GBP7: variants seen among roughly 807,000 people sequenced by gnomAD.
The protein encoded by GBP7 is guanylate-binding protein 7.
A neutral mutation model predicts 61.3 loss-of-function variants in GBP7; 43 were observed. That is an observed-to-expected ratio of 0.70 (90% CI 0.55 to 0.91). GBP7 has a LOEUF of 0.91. Among genes scored for constraint, GBP7 ranks in the 40% least tolerant of loss-of-function variants. GBP7 has a pLI of 0.00. For missense variants in GBP7, 717 were observed against 740.5 expected, an observed-to-expected ratio of 0.97 and a Z score of 0.37; for synonymous variants, 267 against 271.0, an observed-to-expected ratio of 0.99 and a Z score of 0.14.
intron 1 of GBP7, among the ~76,000 whole-genome samples, chr1:89,174,729 A>T (rs1647695265): frequency 6.6e-6 from 1 of 152,202 alleles, no homozygotes; most frequent in Admixed American, 6.5e-5. Flanking sequence ...TGCAAGCCTG[A>T]TAGCTCGCAC....
chr1:89,132,177 C>G lies in GBP7; in HGVS notation c.1889G>C (p.Arg630Thr). 6.2e-7 allele frequency: 1 copy of G among 1,608,784 alleles called. No homozygotes were observed. Among genetic ancestry groups the G allele is most frequent in the South Asian group, 1.1e-5 (1 of 89,586 alleles). ...GCTTATAATTTTCTTACCAGGATTT[C>G]TCAGCCTATTACATAATGAGCTAAG... ...KILSSLCNRL[R>T]NPGKKIIS Residue 630 changes from arginine (R) to threonine (T), a missense_variant, in exon 11 of 11, where the codon AGA (arginine) becomes ACA (threonine). Transcript: ENST00000294671.
chr1:89,172,414 C>A (rs144671991), intron 1 of GBP7, among the ~76,000 whole-genome samples: 1 of 152,306 alleles, frequency 6.6e-6, no homozygotes, highest in African/African-American at 2.4e-5. Context: ...GTTCGTTATT[C>A]GTTCTTTGTC....
intron 1 of GBP7, among the ~76,000 whole-genome samples, chr1:89,174,670 C>T (rs1215149443): frequency 6.6e-6 from 1 of 152,298 alleles, no homozygotes; most frequent in Middle Eastern, 3.4e-3. Context: ...ACTCAGGTTA[C>T]CCAATGGCTT....
chr1:89,140,445 A>G lies in GBP7; in HGVS notation c.1468+1101T>C, dbSNP rs149317528. Among the ~76,000 whole-genome samples, 381 of 131,496 alleles carry G rather than the reference A, an allele frequency of 2.9e-3. 10 individuals carry two copies. The East Asian group carries it at 0.081, about 28-fold the overall frequency. The allele number at this position is 131,496 out of a possible 152,430, so 86.3% of individuals were successfully genotyped here. The stretch of plus-strand genomic sequence containing the variant: ...CCCTAAAACTTAAAGTATAATAATA[A>G]TAATAAAAAAAACTGAAAAAAAAAA... On this transcript the variant is annotated intron_variant, in intron 9 of 10. Transcript: ENST00000294671.
chr1:89,165,753 C>A (rs1416956817), intron 2 of GBP7, among the ~76,000 whole-genome samples: 5 of 149,920 alleles, frequency 3.3e-5, no homozygotes, highest in Admixed American at 6.6e-5. Context: ...GAACATCACA[C>A]AACAGGGCCT....
intron 2 of GBP7, among the ~76,000 whole-genome samples, chr1:89,170,164 A>G (rs1312215347): frequency 2.6e-5 from 4 of 152,212 alleles, no homozygotes; most frequent in African/African-American, 7.2e-5. Flanking sequence ...TAATCAAACT[A>G]CATAAAAGAC....
intron 1 of GBP7, among the ~76,000 whole-genome samples, chr1:89,173,031 T>C (rs963867767): frequency 7.2e-5 from 11 of 152,170 alleles, no homozygotes; most frequent in African/African-American, 2.7e-4. Flanking sequence ...GATTTTGTCA[T>C]TGAGAGCTTC....
chr1:89,144,155 C>A (rs1177474608), intron 8 of GBP7, among the ~76,000 whole-genome samples: 1 of 152,126 alleles, frequency 6.6e-6, no homozygotes, highest in African/African-American at 2.4e-5. Flanking sequence ...TGCATTAATT[C>A]ACTTAGGATA....
chr1:89,151,453 C>T (rs114628186), intron 5 of GBP7, among the ~76,000 whole-genome samples: 2,509 of 152,152 alleles, frequency 0.016, 58 homozygotes, highest in African/African-American at 0.056. Context: ...TTGAAAGAGA[C>T]GGAAAATACT....
intron 3 of GBP7, among the ~76,000 whole-genome samples, chr1:89,155,916 A>G (rs962315044): frequency 6.6e-6 from 1 of 152,234 alleles, no homozygotes; most frequent in Non-Finnish European, 1.5e-5. Context: ...CAGATTCACC[A>G]AAGTTGAAAT....
At chr1:89,142,789 C>CA (rs11425074) in intron 8 of GBP7, among the ~76,000 whole-genome samples, 151,019 of 152,078 alleles carry the variant, frequency 0.99, 74,985 homozygotes, top group African/African-American at 1. Flanking sequence ...TCCCTTCTTT[C>CA]AAAAAAAATT....
rs546595285 is a variant in GBP7 at position 89,171,948 on chromosome 1, C to T, written c.-13G>A. 13 of 1,603,140 alleles carry T rather than the reference C, an allele frequency of 8.1e-6. No individual in the cohort carries two copies. The highest frequency in any genetic ancestry group is 6.7e-5 in the Admixed American group (4 of 59,320). On this transcript the variant is annotated 5_prime_UTR_variant, in exon 2 of 11. Transcript: ENST00000294671. ...TCTCTGATGCCATGTTCAGGGCGTT[C>T]CTCTGTCTGCAAGGAAAAAATGAAA...
intron 8 of GBP7, 80 bp downstream of exon 8, chr1:89,147,487 G>A (rs1439112128): frequency 3.7e-6 from 4 of 1,094,950 alleles, no homozygotes; most frequent in Non-Finnish European, 5.6e-6. Context: ...ATGGTGCTGT[G>A]TTCTTAGATT....
rs1360062519 is a variant in GBP7, at chr1:89,131,927, GCTTTA to G, written c.*217_*221del. 2.6e-6 allele frequency: 1 copy of G among 391,470 alleles called. No homozygotes were observed. The highest frequency in any genetic ancestry group is 2.1e-5 in the African/African-American group (1 of 47,812). 24.2% of individuals were successfully genotyped at this position (391,470 alleles called of 1,614,324 possible). ...TCTTTATATTACCATTTGTCCTTTT[GCTTTA>G]CTTAAATCTTTTCTAGGAATAATTT... is the stretch of plus-strand genomic sequence containing the variant. On this transcript the variant is annotated 3_prime_UTR_variant, in exon 11 of 11. Coordinates refer to ENST00000294671, the MANE Select transcript of GBP7 (RefSeq NM_207398.3).
At chr1:89,133,484 A>G (rs1681725997) in intron 9 of GBP7, 33 bp from the exon 10 acceptor site, 1 of 1,589,434 alleles carries the variant, frequency 6.3e-7, no homozygotes, top group Non-Finnish European at 8.6e-7. Flanking sequence ...AGGGAAGAAA[A>G]TAACAGTCAG....
chr1:89,144,081 A>G (rs1476832667), intron 8 of GBP7, among the ~76,000 whole-genome samples: 1 of 152,060 alleles, frequency 6.6e-6, no homozygotes, highest in Non-Finnish European at 1.5e-5. Context: ...CTTTATGTAC[A>G]TGTGTATTCA....
At chr1:89,154,677 A>T (rs1197131105) in intron 3 of GBP7, among the ~76,000 whole-genome samples, 2 of 151,112 alleles carry the variant, frequency 1.3e-5, no homozygotes, top group Admixed American at 1.3e-4. Flanking sequence ...TTTAACTTTA[A>T]ATTTAAGTTC....
intron 8 of GBP7, 36 bp downstream of exon 8, chr1:89,147,531 C>T: frequency 1.3e-6 from 2 of 1,534,576 alleles, no homozygotes; most frequent in Non-Finnish European, 1.8e-6. Context: ...TCTGACTATC[C>T]TCTGTCATCC....
intron 6 of GBP7, among the ~76,000 whole-genome samples, 185 bp from the exon 7 acceptor site, chr1:89,149,757 A>G (rs1489023384): frequency 6.6e-6 from 1 of 152,048 alleles, no homozygotes; most frequent in African/African-American, 2.4e-5. Flanking sequence ...CTACGATAAC[A>G]TGACTGTTGT....
Sources: gnomAD v4.1 joint callset for allele counts (sites outside exome capture counted in the v4.1 genomes callset) on GRCh38, gnomAD v4.1.1 for gene constraint, MANE v1.5 for transcripts, NCBI Gene and HGNC (gene_info 2026-07-23, HGNC 2026-07-21) for gene names.